Variants in PLEKHM3 observed in about 807,000 individuals in gnomAD.
PLEKHM3 encodes the protein pleckstrin homology domain-containing family M member 3.
In PLEKHM3, 45 loss-of-function variants were observed where a neutral mutation model predicts 81.8. The ratio of observed to expected loss-of-function variants is 0.55; its 90% confidence interval spans 0.43 to 0.71. The LOEUF (loss-of-function observed/expected upper bound fraction) is 0.71, where lower values mean the gene tolerates loss of function less well. Among genes scored for constraint, PLEKHM3 ranks in the 30% least tolerant of loss-of-function variants. The pLI, the probability that PLEKHM3 is intolerant of heterozygous loss-of-function variation, is 0.00. For synonymous variants in PLEKHM3, 352 were observed against 356.4 expected (o/e 0.99, Z 0.14); for missense variants, 788 against 924.3 (o/e 0.85, Z 1.91).
chr2:207,922,675 G>C (rs1192020911), intron 5 of PLEKHM3, among the ~76,000 whole-genome samples: 1 of 152,188 alleles, frequency 6.6e-6, no homozygotes, highest in Admixed American at 6.5e-5. Context: ...AGCTGGGCGT[G>C]GTGGCGGGCG....
At chr2:207,846,800 G>A (rs74405153) in intron 7 of PLEKHM3, among the ~76,000 whole-genome samples, 3,326 of 151,806 alleles carry the variant, frequency 0.022, 68 homozygotes, top group Admixed American at 0.043. Flanking sequence ...TATTTTTCTG[G>A]TTCTGATACA....
Position 207,826,161 on chromosome 2 carries a change from G to C in PLEKHM3, c.*2158C>G, listed in dbSNP as rs1229415220. 2.0e-5 allele frequency: 3 copies of C among 152,316 alleles called. No homozygotes were observed. The highest frequency in any genetic ancestry group is 7.2e-5 in the African/African-American group (3 of 41,470). The allele number at this position is 152,316 out of a possible 1,614,324, so 9.4% of individuals were successfully genotyped here. ...AAGGCAAAAGTAAGCTACAGTGACA[G>C]GGAGCTGGGGGCGGAGGGAGAAGGC... On this transcript the variant is annotated 3_prime_UTR_variant, in exon 8 of 8. Coordinates refer to ENST00000427836, the MANE Select transcript of PLEKHM3 (RefSeq NM_001080475.3).
At chr2:207,989,590 C>A (rs1691832134) in intron 2 of PLEKHM3, among the ~76,000 whole-genome samples, 1 of 152,184 alleles carries the variant, frequency 6.6e-6, no homozygotes, top group Non-Finnish European at 1.5e-5. Flanking sequence ...CAACACTAAT[C>A]TGAGTCCTCA....
chr2:207,915,849 A>G (rs1688974836), intron 5 of PLEKHM3, among the ~76,000 whole-genome samples: 1 of 152,210 alleles, frequency 6.6e-6, no homozygotes, highest in Non-Finnish European at 1.5e-5. Flanking sequence ...GGTAATTTAT[A>G]TTAAGTTGAG....
chr2:207,882,889 C>T (rs964599998), intron 6 of PLEKHM3, among the ~76,000 whole-genome samples: 1 of 151,918 alleles, frequency 6.6e-6, no homozygotes, highest in African/African-American at 2.4e-5. Context: ...GTTGGGATTA[C>T]AGGTGCCCGC....
At chr2:207,891,984 G>A (rs1306031913) in intron 6 of PLEKHM3, among the ~76,000 whole-genome samples, 1 of 152,150 alleles carries the variant, frequency 6.6e-6, no homozygotes, top group Non-Finnish European at 1.5e-5. Context: ...ACATAAAATG[G>A]TACCCTCTTG....
Position 207,988,511 on chromosome 2 carries a change from C to A in PLEKHM3, c.611-10925G>T, listed in dbSNP as rs373393138. Among the ~76,000 whole-genome samples, 6 of 152,150 alleles carry A rather than the reference C, an allele frequency of 3.9e-5. 1 individual carries two copies. The highest frequency in any genetic ancestry group is 1.4e-4 in the African/African-American group (6 of 41,434). ...GTTTTCTGTTTCAGCCTTTTAGTAT[C>A]AAAAGAAGAAACATTTTGCTTCCTT... On this transcript the variant is annotated intron_variant, in intron 2 of 7. Coordinates refer to ENST00000427836, the MANE Select transcript of PLEKHM3 (RefSeq NM_001080475.3).
At chr2:207,957,897 G>A (rs1208022707) in intron 3 of PLEKHM3, among the ~76,000 whole-genome samples, 1 of 152,182 alleles carries the variant, frequency 6.6e-6, no homozygotes, top group African/African-American at 2.4e-5. Context: ...TGTAATGTCT[G>A]CAGACATTTT....
chr2:207,853,195 C>T (rs915069803), intron 7 of PLEKHM3, among the ~76,000 whole-genome samples: 2 of 151,964 alleles, frequency 1.3e-5, no homozygotes, highest in Non-Finnish European at 2.9e-5. Context: ...GAGGCCAAGG[C>T]GGGTGGATCA....
At chr2:207,847,257 G>T (rs1338113132) in intron 7 of PLEKHM3, among the ~76,000 whole-genome samples, 2 of 152,192 alleles carry the variant, frequency 1.3e-5, no homozygotes, top group Non-Finnish European at 2.9e-5. Context: ...TTTCACAGAA[G>T]TCTCAGTTAT....
intron 2 of PLEKHM3, among the ~76,000 whole-genome samples, chr2:207,980,997 G>C (rs991011370): frequency 6.6e-6 from 1 of 151,674 alleles, no homozygotes; most frequent in African/African-American, 2.4e-5. Context: ...GTGTGGTGGT[G>C]TGTGCCTGTA....
chr2:207,877,513 T>C (rs1351831409), intron 6 of PLEKHM3, among the ~76,000 whole-genome samples: 1 of 152,184 alleles, frequency 6.6e-6, no homozygotes, highest in Admixed American at 6.5e-5. Flanking sequence ...ATGTGACTAA[T>C]TGAAGAAAAA....
At chr2:207,873,288 G>A (rs904974982) in intron 6 of PLEKHM3, among the ~76,000 whole-genome samples, 3 of 152,084 alleles carry the variant, frequency 2.0e-5, no homozygotes, top group African/African-American at 4.8e-5. Context: ...TGGAAATCTT[G>A]GTTTCTATTC....
chr2:207,975,890 C>T (rs534555320), intron 3 of PLEKHM3, among the ~76,000 whole-genome samples: 1 of 141,632 alleles, frequency 7.1e-6, no homozygotes, highest in Admixed American at 7.5e-5. Flanking sequence ...AGCCACTGCA[C>T]CTGGCACAAT....
chr2:207,982,553 A>C (rs865922642), intron 2 of PLEKHM3, among the ~76,000 whole-genome samples: 2 of 150,062 alleles, frequency 1.3e-5, no homozygotes, highest in Non-Finnish European at 3.0e-5. Flanking sequence ...CATAGGTGTG[A>C]GCCACTGTGT....
chr2:207,912,953 G>T (rs1688855462), intron 5 of PLEKHM3, among the ~76,000 whole-genome samples: 1 of 152,186 alleles, frequency 6.6e-6, no homozygotes, highest in African/African-American at 2.4e-5. Flanking sequence ...GCTCAGGAAA[G>T]TGTGGGCCCC....
rs1691318236 is a variant in PLEKHM3 at position 207,976,646 on chromosome 2, C to T, written c.1546+5G>A. ...TGAGCTATAGGCTGAAAATCTGCTT[C>T]ATACCTGCACATTTGAAACTCTGAG... is the stretch of plus-strand genomic sequence containing the variant. On this transcript the variant is annotated splice_donor_5th_base_variant and intron_variant, in intron 3 of 7. Coordinates refer to ENST00000427836, the MANE Select transcript of PLEKHM3 (RefSeq NM_001080475.3). The surrounding 1 kb of genome is among the most constrained non-coding windows in gnomAD (Gnocchi z 4.1). 1 of 1,609,398 alleles carries T rather than the reference C, an allele frequency of 6.2e-7. No individual in the cohort carries two copies. Among genetic ancestry groups the T allele is most frequent in the Non-Finnish European group, 8.5e-7 (1 of 1,177,566 alleles).
At chr2:207,833,821 C>T (rs1396676538) in intron 7 of PLEKHM3, among the ~76,000 whole-genome samples, 1 of 152,190 alleles carries the variant, frequency 6.6e-6, no homozygotes. Flanking sequence ...CACAGGACTC[C>T]CACACTGAAT....
intron 3 of PLEKHM3, among the ~76,000 whole-genome samples, chr2:207,948,179 T>C (rs890463865): frequency 1.3e-5 from 2 of 152,108 alleles, no homozygotes; most frequent in African/African-American, 4.8e-5. Flanking sequence ...TAGCTCCTGA[T>C]TGACAAAGGA....
Sources: allele counts gnomAD v4.1 joint callset (sites outside exome capture counted in the v4.1 genomes callset), GRCh38; gene constraint gnomAD v4.1.1; non-coding constraint Gnocchi (gnomAD v3.1); transcripts MANE v1.5; gene names NCBI Gene and HGNC (gene_info 2026-07-23, HGNC 2026-07-21).